The following PIBF1 variants were observed in gnomAD, a reference collection of about 807,000 sequenced individuals.
The protein encoded by PIBF1 is progesterone immunomodulatory binding factor 1.
In PIBF1, 90 loss-of-function variants were observed where a neutral mutation model predicts 112.5. The observed-to-expected ratio is 0.80, with a 90% CI of 0.67 to 0.95. The LOEUF is 0.95. Ranked by LOEUF, PIBF1 falls within the 40% of genes least tolerant of loss-of-function variation. The pLI, the probability that PIBF1 is intolerant of heterozygous loss-of-function variation, is 0.00. For missense variants in PIBF1, 915 were observed against 852.3 expected (o/e 1.07, Z -0.92); for synonymous variants, 301 against 288.6 (o/e 1.04, Z -0.44).
chr13:72,953,471 C>T (rs1319728563), intron 14 of PIBF1, among the ~76,000 whole-genome samples: 2 of 152,152 alleles, frequency 1.3e-5, no homozygotes, highest in Non-Finnish European at 2.9e-5. Context: ...TGGAGAATAT[C>T]CGCCAAGGAT....
chr13:72,984,842 A>G (rs1453957347), intron 16 of PIBF1, among the ~76,000 whole-genome samples: 1 of 152,172 alleles, frequency 6.6e-6, no homozygotes, highest in Non-Finnish European at 1.5e-5. Context: ...GTGACCCAAT[A>G]TATTAATATC....
intron 16 of PIBF1, chr13:72,974,239 C>CT (rs993196724): frequency 5.3e-5 from 8 of 152,002 alleles, no homozygotes; most frequent in East Asian, 1.9e-4. Flanking sequence ...TAAAATTAAC[C>CT]TTTTTTAGCA....
At chr13:72,918,322 T>C (rs2041170087) in intron 13 of PIBF1, among the ~76,000 whole-genome samples, 1 of 152,112 alleles carries the variant, frequency 6.6e-6, no homozygotes, top group African/African-American at 2.4e-5. Flanking sequence ...TCTCATTAGC[T>C]ATCATTTCCT....
At position 73,010,534 on chromosome 13, in the gene PIBF1, C is replaced by T. The variant is rs9543201; in HGVS notation, c.2224-5335C>T. On this transcript the variant is annotated intron_variant, in intron 17 of 17. Transcript: ENST00000326291. ...AGGAGAATTGCTTGAACCTGGGAGG[C>T]GGAGGTTGCAGTGGGCCGAGATTGC... is the stretch of plus-strand genomic sequence containing the variant. Among the ~76,000 whole-genome samples, 699 of 152,028 alleles carry T rather than the reference C, an allele frequency of 4.6e-3. 2 individuals carry two copies. Among genetic ancestry groups the T allele is most frequent in the Non-Finnish European group, 7.7e-3 (524 of 67,986 alleles).
At chr13:72,881,750 T>G (rs576787345) in intron 10 of PIBF1, among the ~76,000 whole-genome samples, 23 of 146,928 alleles carry the variant, frequency 1.6e-4, no homozygotes, top group Admixed American at 1.2e-3. Context: ...ATCTCTACAA[T>G]GAAAACTATA....
At chr13:72,860,521 A>G (rs1342933902) in intron 10 of PIBF1, among the ~76,000 whole-genome samples, 1 of 152,176 alleles carries the variant, frequency 6.6e-6, no homozygotes, top group Non-Finnish European at 1.5e-5. Flanking sequence ...ATATTCAAAT[A>G]TGTGATTCTG....
chr13:72,833,054 G>T (rs553618441), intron 8 of PIBF1, among the ~76,000 whole-genome samples: 11 of 152,152 alleles, frequency 7.2e-5, no homozygotes, highest in African/African-American at 2.2e-4. Context: ...CCACTTGATC[G>T]ATTTGGCTTT....
At chr13:72,809,132 C>CTTTTTTTTTTTTTTTTTT (rs35219701) in intron 5 of PIBF1, among the ~76,000 whole-genome samples, 2 of 74,854 alleles carry the variant, frequency 2.7e-5, no homozygotes, top group African/African-American at 1.2e-4. Context: ...GTATATGTCC[C>CTTTTTTTTTTTTTTTTTT]TTTTTTTTTT....
At chr13:72,896,101 G>GA (rs2040272417) in intron 11 of PIBF1, among the ~76,000 whole-genome samples, 1 of 152,138 alleles carries the variant, frequency 6.6e-6, no homozygotes, top group African/African-American at 2.4e-5. Flanking sequence ...CCATGATGGA[G>GA]AGACCCATAG....
intron 17 of PIBF1, among the ~76,000 whole-genome samples, chr13:73,011,482 G>A (rs976956679): frequency 2.0e-5 from 3 of 152,176 alleles, no homozygotes; most frequent in African/African-American, 7.2e-5. Context: ...TTCTCAACAA[G>A]GTCTCCCTTC....
At chr13:72,827,460 G>A (rs1034616116) in intron 7 of PIBF1, among the ~76,000 whole-genome samples, 1 of 151,932 alleles carries the variant, frequency 6.6e-6, no homozygotes, top group Non-Finnish European at 1.5e-5. Flanking sequence ...TGTTGGCCAG[G>A]CTGGTCGCAA....
intron 10 of PIBF1, among the ~76,000 whole-genome samples, chr13:72,860,100 A>G (rs767912731): frequency 3.3e-5 from 5 of 152,200 alleles, no homozygotes; most frequent in Non-Finnish European, 5.9e-5. Context: ...GCATAAGCCA[A>G]ATTCAGTAGA....
intron 16 of PIBF1, among the ~76,000 whole-genome samples, chr13:72,977,506 C>A (rs1349575737): frequency 6.6e-6 from 1 of 152,188 alleles, no homozygotes; most frequent in African/African-American, 2.4e-5. Flanking sequence ...CTGCACCCAG[C>A]CTAGCTCTAA....
At chr13:72,839,547 A>G (rs2037511136) in intron 9 of PIBF1, among the ~76,000 whole-genome samples, 1 of 152,196 alleles carries the variant, frequency 6.6e-6, no homozygotes, top group Admixed American at 6.5e-5. Flanking sequence ...CTATTTTACA[A>G]ATAAGTACTG....
intron 15 of PIBF1, among the ~76,000 whole-genome samples, chr13:72,965,721 AGAGG>A (rs913681717): frequency 6.7e-6 from 1 of 149,822 alleles, no homozygotes; most frequent in African/African-American, 2.5e-5. Context: ...TAGATTGACC[AGAGG>A]GAGAGGAGGA....
intron 12 of PIBF1, among the ~76,000 whole-genome samples, chr13:72,915,513 T>C (rs751589137): frequency 2.0e-5 from 3 of 152,212 alleles, no homozygotes; most frequent in Non-Finnish European, 4.4e-5. Context: ...TCCATTAATA[T>C]CTAACTTATG....
At chr13:72,951,224 G>A (rs1445062454) in intron 14 of PIBF1, among the ~76,000 whole-genome samples, 5 of 152,102 alleles carry the variant, frequency 3.3e-5, no homozygotes, top group Non-Finnish European at 5.9e-5. Flanking sequence ...GGATTCTTTT[G>A]TGTTCACATT....
At position 72,845,497 on chromosome 13, in the gene PIBF1, G is replaced by A. The variant is rs868382772; in HGVS notation, c.1224-8560G>A. On this transcript the variant is annotated intron_variant, in intron 9 of 17. Coordinates refer to ENST00000326291, the MANE Select transcript of PIBF1 (RefSeq NM_006346.4). The stretch of plus-strand genomic sequence containing the variant: ...TAGAGTGATTTATATTCCTTTTATA[G>A]TAGAGTGATTTATAGTCCTTTTGGT... Among the ~76,000 whole-genome samples the A allele has an allele frequency of 1.2e-4, 18 of 152,206 alleles. No individual in the cohort carries two copies. In the Middle Eastern group the frequency reaches 0.01, roughly 86 times the overall value.
intron 5 of PIBF1, among the ~76,000 whole-genome samples, chr13:72,814,497 A>G (rs1399897710): frequency 6.6e-6 from 1 of 151,216 alleles, no homozygotes; most frequent in Non-Finnish European, 1.5e-5. Flanking sequence ...AAAAAATTAT[A>G]TAATAAATTT....
Sources: allele counts gnomAD v4.1 joint callset (sites outside exome capture counted in the v4.1 genomes callset), GRCh38; gene constraint gnomAD v4.1.1; transcripts MANE v1.5; gene names NCBI Gene and HGNC (gene_info 2026-07-23, HGNC 2026-07-21).